GAS7: variants seen among roughly 807,000 people sequenced by gnomAD.
GAS7 encodes the protein growth arrest specific 7, also known as growth arrest-specific protein 7.
A neutral mutation model predicts 71.1 loss-of-function variants in GAS7; 28 were observed. That is an observed-to-expected ratio of 0.39 (90% CI 0.29 to 0.54). GAS7 has a LOEUF of 0.54. GAS7 is among the 20% of genes least tolerant of loss of function. The probability of loss-of-function intolerance (pLI) is 0.62; values close to 1 mark genes in which losing one functional copy is unlikely to be tolerated. For missense variants in GAS7, 436 were observed against 627.8 expected (o/e 0.69, Z 3.27); for synonymous variants, 258 against 245.8 (o/e 1.05, Z -0.46).
At chr17:9,998,145 T>C (rs1037914282) in intron 2 of GAS7, among the ~76,000 whole-genome samples, 4 of 152,232 alleles carry the variant, frequency 2.6e-5, no homozygotes, top group Admixed American at 2.0e-4. Flanking sequence ...CCAGCTGCCA[T>C]CCTGAAGCTG....
chr17:10,198,444 G>T lies in GAS7; in HGVS notation c.-54C>A. 1 of 1,340,856 alleles carries T rather than the reference G, an allele frequency of 7.5e-7. No homozygotes were observed. The highest frequency in any genetic ancestry group is 9.7e-7 in the Non-Finnish European group (1 of 1,028,434). The allele number at this position is 1,340,856 out of a possible 1,614,324, so 83.1% of individuals were successfully genotyped here. On this transcript the variant is annotated 5_prime_UTR_variant, in exon 1 of 14. Coordinates refer to ENST00000432992, the MANE Select transcript of GAS7 (RefSeq NM_201433.2). ...CCTGCATTCCCGCCGAGCCCCACGG[G>T]CTGGGCAGCGGCTCCGCGGGGTCCC...
At chr17:10,038,627 G>C (rs1457419283) in intron 1 of GAS7, among the ~76,000 whole-genome samples, 1 of 151,920 alleles carries the variant, frequency 6.6e-6, no homozygotes, top group Non-Finnish European at 1.5e-5. Flanking sequence ...AGAGCCAGAA[G>C]GTGGAAACAA....
intron 1 of GAS7, among the ~76,000 whole-genome samples, chr17:10,144,564 A>C (rs2074107504): frequency 6.6e-6 from 1 of 151,868 alleles, no homozygotes; most frequent in African/African-American, 2.4e-5. Flanking sequence ...TTTTTCTTTT[A>C]AGACAGACAT....
At chr17:9,970,295 T>C (rs924768612) in intron 3 of GAS7, among the ~76,000 whole-genome samples, 14 of 152,160 alleles carry the variant, frequency 9.2e-5, no homozygotes, top group African/African-American at 3.1e-4. Flanking sequence ...CAGGTGATCA[T>C]ATGCACTTCA....
At chr17:10,188,811 T>C (rs1023800211) in intron 1 of GAS7, among the ~76,000 whole-genome samples, 4 of 152,100 alleles carry the variant, frequency 2.6e-5, no homozygotes, top group African/African-American at 9.7e-5. Flanking sequence ...GCTAATTTTT[T>C]TGTATTTATA....
intron 2 of GAS7, among the ~76,000 whole-genome samples, chr17:9,993,099 T>C (rs1487015513): frequency 1.3e-5 from 2 of 152,052 alleles, no homozygotes; most frequent in Non-Finnish European, 2.9e-5. Flanking sequence ...GCATGATTTA[T>C]AGTCCTTTGG....
chr17:10,014,231 C>T (rs2071900217), intron 2 of GAS7, among the ~76,000 whole-genome samples: 1 of 152,178 alleles, frequency 6.6e-6, no homozygotes, highest in South Asian at 2.1e-4. Flanking sequence ...ACTTCCAATC[C>T]CTGACCTGCC....
chr17:9,979,943 A>C (rs1162476995), intron 3 of GAS7, among the ~76,000 whole-genome samples: 2 of 151,858 alleles, frequency 1.3e-5, no homozygotes. Flanking sequence ...CGGCAGCTAC[A>C]GTACGAACGG....
At chr17:10,073,299 A>T (rs1435345982) in intron 1 of GAS7, among the ~76,000 whole-genome samples, 23 of 152,218 alleles carry the variant, frequency 1.5e-4, no homozygotes, top group Admixed American at 1.5e-3. Context: ...GCTCTGACAC[A>T]GCTGGAGACA....
chr17:10,005,103 ATG>A (rs1424065202), intron 2 of GAS7, among the ~76,000 whole-genome samples: 18 of 150,666 alleles, frequency 1.2e-4, no homozygotes, highest in East Asian at 4.1e-4. Context: ...GCATACATGC[ATG>A]TGTGTGCGTG....
rs2067531882 is a variant in GAS7 at position 9,914,592 on chromosome 17, T to G, written c.*2636A>C. On this transcript the variant is annotated 3_prime_UTR_variant, in exon 14 of 14. Coordinates refer to ENST00000432992, the MANE Select transcript of GAS7 (RefSeq NM_201433.2). ...TGAAATTCGAATTGGATATGGGCCG[T>G]GAGGGTCTGGTGACCAGGTGATTAA... is the stretch of plus-strand genomic sequence containing the variant. The G allele has an allele frequency of 4.8e-6, 1 of 207,176 alleles. No homozygotes were observed. The highest frequency in any genetic ancestry group is 2.3e-5 in the African/African-American group (1 of 43,878). The allele number at this position is 207,176 out of a possible 1,614,324, so 12.8% of individuals were successfully genotyped here. A position where few individuals can be genotyped will look rare whatever the true frequency, so the allele number is the denominator to read the frequency against.
intron 2 of GAS7, among the ~76,000 whole-genome samples, chr17:10,017,554 C>G (rs1055265876): frequency 6.6e-6 from 1 of 152,154 alleles, no homozygotes; most frequent in Admixed American, 6.5e-5. Flanking sequence ...GTCTGGAACT[C>G]CTGACCTCAA....
intron 1 of GAS7, among the ~76,000 whole-genome samples, chr17:10,029,407 G>A (rs8074554): frequency 0.12 from 17,766 of 152,192 alleles, 1,226 homozygotes; most frequent in East Asian, 0.16. Flanking sequence ...ACGAAATCAC[G>A]GCACAAAAGG....
In GAS7 at chr17:10,103,265, G is replaced by A. The variant is rs2073724194; in HGVS notation, c.184-83368C>T. Reference sequence around the variant, plus strand: ...AGGCTAAGGTGGGAGAATCACCTGAGCCTGGGGAGTAGAGGCTGCAGTGAG... The same window carrying A: ...AGGCTAAGGTGGGAGAATCACCTGAACCTGGGGAGTAGAGGCTGCAGTGAG... On this transcript the variant is annotated intron_variant, in intron 1 of 13. Transcript: ENST00000432992. This position sits in a 1 kb window ranked among gnomAD's most constrained non-coding sequence, Gnocchi z 5.5. Among the ~76,000 whole-genome samples, 1 of 152,054 alleles carries A rather than the reference G, an allele frequency of 6.6e-6. No individual in the cohort carries two copies. The highest frequency in any genetic ancestry group is 2.1e-4 in the South Asian group (1 of 4,812).
chr17:10,008,572 T>C (rs1159369024), intron 2 of GAS7, among the ~76,000 whole-genome samples: 3 of 152,082 alleles, frequency 2.0e-5, no homozygotes, highest in Non-Finnish European at 4.4e-5. Flanking sequence ...TAAACACTGG[T>C]GAAAAATGAG....
At chr17:9,936,056 C>T (rs569351683) in intron 8 of GAS7, among the ~76,000 whole-genome samples, 1 of 152,280 alleles carries the variant, frequency 6.6e-6, no homozygotes, top group East Asian at 1.9e-4. Flanking sequence ...AACAGATGAT[C>T]TTTTTAACAA....
At chr17:10,010,978 G>A (rs552583427) in intron 2 of GAS7, among the ~76,000 whole-genome samples, 4 of 152,230 alleles carry the variant, frequency 2.6e-5, no homozygotes, top group Non-Finnish European at 5.9e-5. Flanking sequence ...AAAAACAGCT[G>A]TGAGTTGAAT....
chr17:10,188,617 T>C (rs764331504), intron 1 of GAS7, among the ~76,000 whole-genome samples: 12 of 152,176 alleles, frequency 7.9e-5, no homozygotes, highest in Non-Finnish European at 1.6e-4. Context: ...TTGAGGACTT[T>C]TTATATGGTT....
intron 11 of GAS7, among the ~76,000 whole-genome samples, chr17:9,922,043 C>T (rs375235490): frequency 2.6e-5 from 4 of 151,872 alleles, no homozygotes; most frequent in East Asian, 1.9e-4. Context: ...GGTTATCCTG[C>T]GCTTGCCTCC....
Sources: allele counts gnomAD v4.1 joint callset (sites outside exome capture counted in the v4.1 genomes callset), GRCh38; gene constraint gnomAD v4.1.1; non-coding constraint Gnocchi (gnomAD v3.1); transcripts MANE v1.5; gene names NCBI Gene and HGNC (gene_info 2026-07-23, HGNC 2026-07-21).